TP53TG5: variants seen among roughly 807,000 people sequenced by gnomAD.
The protein encoded by TP53TG5 is TP53 target 5, also known as TP53-target gene 5 protein.
In TP53TG5, 17 loss-of-function variants were observed where a neutral mutation model predicts 30.0. The observed-to-expected ratio is 0.57, with a 90% CI of 0.39 to 0.85. TP53TG5 has a LOEUF of 0.85. Ranked by LOEUF, TP53TG5 falls within the 40% of genes least tolerant of loss-of-function variation. The pLI is 0.00. For synonymous variants in TP53TG5, 137 were observed against 139.2 expected (o/e 0.98, Z 0.11); for missense variants, 338 against 367.9 (o/e 0.92, Z 0.67).
In TP53TG5 at chr20:45,374,002, T is replaced by TCA; in HGVS notation, c.776_777dup (p.Thr260Ter). 6.2e-7 allele frequency: 1 copy of TCA among 1,613,948 alleles called. No individual in the cohort carries two copies. The highest frequency in any genetic ancestry group is 8.5e-7 in the Non-Finnish European group (1 of 1,179,996). ...CTCGCACCTCTGGCTCTCGTCCAGG[T>TCA]CACATCAACCTGCCAGCAGAAACCT... On this transcript the variant is annotated frameshift_variant, in exon 5 of 5. Transcript: ENST00000372726. LOFTEE classifies it low-confidence loss of function (END_TRUNC).
At position 45,375,391 on chromosome 20, in the gene TP53TG5, T is replaced by A; in HGVS notation, c.416A>T (p.Asn139Ile). The A allele has an allele frequency of 6.2e-7, 1 of 1,614,176 alleles. No individual in the cohort carries two copies. Among genetic ancestry groups the A allele is most frequent in the East Asian group, 2.2e-5 (1 of 44,872 alleles). The change falls in exon 4 of 5, where the codon AAC becomes ATC. Residue 139 changes from asparagine to isoleucine, a missense_variant. Transcript: ENST00000372726. ...WKSQVQSGMR[N>I]KEKTSLAAMP... Reference sequence around the variant, plus strand: ...TGCCGCCAATGACGTTTTCTCCTTGTTCCTCATCCCTGACTGCACCTGGGA... The same window carrying A: ...TGCCGCCAATGACGTTTTCTCCTTGATCCTCATCCCTGACTGCACCTGGGA...
At chr20:45,374,115 T>C in intron 4 of TP53TG5, 104 bp from the exon 5 acceptor site, 1 of 1,057,028 alleles carries the variant, frequency 9.5e-7, no homozygotes, top group East Asian at 2.4e-5. Context: ...GTCTGGTAGG[T>C]TGGAAATGCC....
intron 3 of TP53TG5, chr20:45,376,039 T>C (rs1042007772): frequency 6.5e-6 from 1 of 154,812 alleles, no homozygotes; most frequent in Non-Finnish European, 1.4e-5. Context: ...GTTGGAAAAC[T>C]GTTCAAGACC....
chr20:45,375,650 G>A, intron 3 of TP53TG5, 98 bp from the exon 4 acceptor site: 1 of 1,448,616 alleles, frequency 6.9e-7, no homozygotes, highest in Non-Finnish European at 9.2e-7. Flanking sequence ...TGTTAAGAAA[G>A]GCTAGAGGGG....
At chr20:45,375,001 C>A in intron 4 of TP53TG5, 38 bp downstream of exon 4, 1 of 1,586,064 alleles carries the variant, frequency 6.3e-7, no homozygotes. Context: ...TTGGGGCTTG[C>A]ATCTCACCTA....
chr20:45,374,293 G>A, intron 4 of TP53TG5: 1 of 695,934 alleles, frequency 1.4e-6, no homozygotes, highest in East Asian at 2.7e-5. Context: ...TTTTTTTTAA[G>A]ACAGGGTCTT....
chr20:45,378,128 T>C, intron 1 of TP53TG5, 61 bp downstream of exon 1: 1 of 1,610,826 alleles, frequency 6.2e-7, no homozygotes. Flanking sequence ...CTTGGCATGG[T>C]GGATTCTTTG....
rs1600753366 is a variant in TP53TG5 at position 45,372,914 on chromosome 20, T to A, written c.*993A>T. 1 of 54,782 alleles carries A rather than the reference T, an allele frequency of 1.8e-5. No homozygotes were observed. The allele number at this position is 54,782 out of a possible 1,614,324, so 3.4% of individuals were successfully genotyped here. ...GGTGCCCAGTAATGGTGGGGAGGAG[T>A]GTGTGAGTGGGCGGGGTGGGAGGGG... On this transcript the variant is annotated 3_prime_UTR_variant, in exon 5 of 5. Transcript: ENST00000372726.
At chr20:45,374,945 CT>C in intron 4 of TP53TG5, 93 bp downstream of exon 4, 1 of 1,515,172 alleles carries the variant, frequency 6.6e-7, no homozygotes, top group Non-Finnish European at 8.9e-7. Context: ...CCACTCAAGA[CT>C]CCAGATCCTG....
At chr20:45,374,232 C>T (rs1988649649) in intron 4 of TP53TG5, 3 of 686,754 alleles carry the variant, frequency 4.4e-6, no homozygotes, top group Non-Finnish European at 7.9e-6. Flanking sequence ...GTATTTTCTT[C>T]TTTTTTTGCT....
intron 3 of TP53TG5, 147 bp from the exon 4 acceptor site, chr20:45,375,699 CTGG>C (rs1988711177): frequency 4.1e-6 from 4 of 984,786 alleles, no homozygotes; most frequent in Non-Finnish European, 6.0e-6. Context: ...AGGCCTTGTG[CTGG>C]TGTGAGGAGG....
intron 3 of TP53TG5, 78 bp from the exon 4 acceptor site, chr20:45,375,630 CAG>C: frequency 6.6e-7 from 1 of 1,514,078 alleles, no homozygotes; most frequent in South Asian, 1.3e-5. Flanking sequence ...GTAGCCAGCT[CAG>C]GGGAGCCTGT....
chr20:45,375,557 C>A lies in TP53TG5; in HGVS notation c.255-5G>T. On this transcript the variant is annotated splice_polypyrimidine_tract_variant and splice_region_variant and intron_variant, in intron 3 of 4. Transcript: ENST00000372726. ...TTATTGCAGGCACTGTTTTCCCTGGCAGGGAGAGGAAAGGCAGTCAGCACA... is the reference window on the plus strand; with the variant it reads ...TTATTGCAGGCACTGTTTTCCCTGGAAGGGAGAGGAAAGGCAGTCAGCACA... 4.4e-6 allele frequency: 7 copies of A among 1,601,216 alleles called. No homozygotes were observed. The highest frequency in any genetic ancestry group is 5.9e-6 in the Non-Finnish European group (7 of 1,178,042).
Position 45,375,201 on chromosome 20 carries a change from C to T in TP53TG5, c.606G>A (p.Leu202=), listed in dbSNP as rs555635597. 8.1e-6 allele frequency: 13 copies of T among 1,614,182 alleles called. No individual in the cohort carries two copies. In the South Asian group the frequency reaches 1.3e-4, roughly 16 times the overall value. ...NRTPMGHMKQ[L]DVADQWIWFE... Reference sequence around the variant, plus strand: ...ACCAGATCCACTGGTCGGCTACATCCAGCTGCTTCATGTGCCCCATGGGAG... The same window carrying T: ...ACCAGATCCACTGGTCGGCTACATCTAGCTGCTTCATGTGCCCCATGGGAG... The change falls in exon 4 of 5, where the codon CTG becomes CTA. Residue 202 remains leucine (L), a synonymous_variant. Coordinates refer to ENST00000372726, the MANE Select transcript of TP53TG5 (RefSeq NM_014477.3).
intron 4 of TP53TG5, chr20:45,374,548 A>C (rs144549292): frequency 6.2e-5 from 32 of 515,230 alleles, no homozygotes; most frequent in African/African-American, 6.2e-4. Flanking sequence ...CTGGGATTAC[A>C]GGCGTGAGCC....
intron 3 of TP53TG5, 131 bp from the exon 4 acceptor site, chr20:45,375,683 G>T: frequency 9.0e-7 from 1 of 1,113,934 alleles, no homozygotes; most frequent in Non-Finnish European, 1.3e-6. Flanking sequence ...CTTCTCTACT[G>T]CCCAGAGGCC....
chr20:45,373,762 CT>C lies in TP53TG5; in HGVS notation c.*144del, dbSNP rs1371559088. On this transcript the variant is annotated 3_prime_UTR_variant, in exon 5 of 5. Coordinates refer to ENST00000372726, the MANE Select transcript of TP53TG5 (RefSeq NM_014477.3). ...CTGGCTTCTTTGGTTCTAGACTGAC[CT>C]TAGGGGCCTCGGGGTGGGGGTGGGG... The C allele has an allele frequency of 1.4e-6, 1 of 705,786 alleles. No individual in the cohort carries two copies. Among genetic ancestry groups the C allele is most frequent in the African/African-American group, 2.1e-5 (1 of 47,364 alleles). 43.7% of individuals were successfully genotyped at this position (705,786 alleles called of 1,614,324 possible). A position where few individuals can be genotyped will look rare whatever the true frequency, so the allele number is the denominator to read the frequency against.
At position 45,378,285 on chromosome 20, in the gene TP53TG5, G is replaced by C; in HGVS notation, c.-49C>G. The stretch of plus-strand genomic sequence containing the variant: ...ATGAATGGAGCAACACCAGTGCCAG[G>C]CACCAACCCTGTTCCTCTCAGTTCA... On this transcript the variant is annotated 5_prime_UTR_variant, in exon 1 of 5. Coordinates refer to ENST00000372726, the MANE Select transcript of TP53TG5 (RefSeq NM_014477.3). 5 of 1,613,078 alleles carry C rather than the reference G, an allele frequency of 3.1e-6. No homozygotes were observed. Among genetic ancestry groups the C allele is most frequent in the Non-Finnish European group, 3.4e-6 (4 of 1,179,688 alleles).
rs769684542 is a variant in TP53TG5 at position 45,375,127 on chromosome 20, C to A, written c.680G>T (p.Cys227Phe). The change falls in exon 4 of 5, where the codon TGC becomes TTC. Residue 227 changes from cysteine (C) to phenylalanine (F), a missense_variant. Physicochemically the swap from Cys to Phe is radical, Grantham distance 205 (BLOSUM62 -2). Coordinates refer to ENST00000372726, the MANE Select transcript of TP53TG5 (RefSeq NM_014477.3). ...GACCCAACGCAGGGTGGAGGATCTG[C>A]ACATCACCCTGGGCGCCGGGAGGTG... Reference protein sequence around the residue: ...RIHLPAPRVMCRSSTLRWVKR... With the variant: ...RIHLPAPRVMFRSSTLRWVKR... 1.9e-6 allele frequency: 3 copies of A among 1,614,110 alleles called. No homozygotes were observed. The Admixed American group carries it at 5.0e-5, about 27-fold the overall frequency.
Sources: gnomAD v4.1 joint callset for allele counts on GRCh38, gnomAD v4.1.1 for gene constraint, MANE v1.5 for transcripts, NCBI Gene and HGNC (gene_info 2026-07-23, HGNC 2026-07-21) for gene names.